The following TNFAIP8 variants were observed in gnomAD, a reference collection of about 807,000 sequenced individuals.
TNFAIP8 encodes the protein TNF alpha induced protein 8, also known as tumor necrosis factor alpha-induced protein 8.
In TNFAIP8, 7 loss-of-function variants were observed where a neutral mutation model predicts 13.3. The ratio of observed to expected loss-of-function variants is 0.52; its 90% CI spans 0.30 to 0.99. The LOEUF is 0.99. Ranked by LOEUF, TNFAIP8 falls within the 50% of genes least tolerant of loss-of-function variation. TNFAIP8 has a pLI of 0.07. For synonymous variants in TNFAIP8, 94 were observed against 87.6 expected (o/e 1.07, Z -0.41); for missense variants, 258 against 236.9 (o/e 1.09, Z -0.58).
chr5:119,324,583 C>G (rs1363738596), intron 1 of TNFAIP8, among the ~76,000 whole-genome samples: 1 of 152,092 alleles, frequency 6.6e-6, no homozygotes, highest in Non-Finnish European at 1.5e-5. Flanking sequence ...CCAGCCGCCT[C>G]CTGATTGGCA....
intron 1 of TNFAIP8, among the ~76,000 whole-genome samples, chr5:119,325,348 C>A (rs1750188700): frequency 6.6e-6 from 1 of 152,206 alleles, no homozygotes; most frequent in Non-Finnish European, 1.5e-5. Context: ...ACATTCCTGT[C>A]ATATAATATA....
At chr5:119,376,566 C>CA (rs1421535457) in intron 1 of TNFAIP8, among the ~76,000 whole-genome samples, 1 of 150,380 alleles carries the variant, frequency 6.6e-6, no homozygotes, top group African/African-American at 2.5e-5. Flanking sequence ...CTTCCCACCC[C>CA]CCCCGTCTTT....
At chr5:119,276,855 A>G (rs950356095) in intron 1 of TNFAIP8, among the ~76,000 whole-genome samples, 18 of 152,202 alleles carry the variant, frequency 1.2e-4, no homozygotes, top group African/African-American at 4.1e-4. Flanking sequence ...TCGCCTTTAT[A>G]AAGGATATTA....
intron 1 of TNFAIP8, among the ~76,000 whole-genome samples, chr5:119,316,790 A>G (rs1444229776): frequency 6.6e-6 from 1 of 152,186 alleles, no homozygotes; most frequent in Non-Finnish European, 1.5e-5. Context: ...ATGGCTCTCA[A>G]CTGGGGGCAG....
chr5:119,280,665 T>G (rs1426848376), intron 1 of TNFAIP8, among the ~76,000 whole-genome samples: 1 of 152,202 alleles, frequency 6.6e-6, no homozygotes, highest in Non-Finnish European at 1.5e-5. Context: ...TGATCCTCAG[T>G]GTCTCGATCT....
At chr5:119,371,392 C>CA (rs201778112) in intron 1 of TNFAIP8, among the ~76,000 whole-genome samples, 33 of 148,598 alleles carry the variant, frequency 2.2e-4, no homozygotes, top group East Asian at 9.8e-4. Context: ...ATTCCAAAAC[C>CA]AAAAAAAAAC....
At chr5:119,305,172 A>G (rs1054299947) in intron 1 of TNFAIP8, among the ~76,000 whole-genome samples, 5 of 152,156 alleles carry the variant, frequency 3.3e-5, no homozygotes, top group African/African-American at 1.2e-4. Context: ...GGAAAATAAA[A>G]GGTTTCAGAA....
chr5:119,377,731 T>C (rs1752336337), intron 1 of TNFAIP8, among the ~76,000 whole-genome samples: 1 of 149,792 alleles, frequency 6.7e-6, no homozygotes, highest in Non-Finnish European at 1.5e-5. Context: ...GAACCTCATA[T>C]AAGTTGTGTT....
intron 1 of TNFAIP8, among the ~76,000 whole-genome samples, chr5:119,277,707 T>C (rs1748500915): frequency 6.6e-6 from 1 of 152,244 alleles, no homozygotes; most frequent in Non-Finnish European, 1.5e-5. Flanking sequence ...ACAAAATATC[T>C]GAGACTGGGT....
At chr5:119,378,276 C>G (rs955376629) in intron 1 of TNFAIP8, among the ~76,000 whole-genome samples, 1 of 152,136 alleles carries the variant, frequency 6.6e-6, no homozygotes, top group South Asian at 2.1e-4. Flanking sequence ...AATATAAATG[C>G]TGTGCTGGTG....
intron 1 of TNFAIP8, among the ~76,000 whole-genome samples, chr5:119,296,684 T>C (rs1255292818): frequency 6.6e-6 from 1 of 152,222 alleles, no homozygotes; most frequent in Non-Finnish European, 1.5e-5. Context: ...TTGATTGGAA[T>C]AGCTTCAGAA....
chr5:119,348,863 A>G lies in TNFAIP8; in HGVS notation c.2-43953A>G, dbSNP rs985060667. Among the ~76,000 whole-genome samples, 53 of 149,972 alleles carry G rather than the reference A, an allele frequency of 3.5e-4. 1 individual carries two copies. Among genetic ancestry groups the G allele is most frequent in the Non-Finnish European group, 7.1e-4 (48 of 67,436 alleles). Reference sequence around the variant, plus strand: ...CCACTGCACTCTAGACTAGGCAACCAAAGCAAAACTCCATCTCAAAAAAAA... The same window carrying G: ...CCACTGCACTCTAGACTAGGCAACCGAAGCAAAACTCCATCTCAAAAAAAA... On this transcript the variant is annotated intron_variant, in intron 1 of 1. Coordinates refer to the TNFAIP8 transcript ENST00000274456.
chr5:119,340,401 C>T (rs115788887), intron 1 of TNFAIP8, among the ~76,000 whole-genome samples: 32 of 152,292 alleles, frequency 2.1e-4, no homozygotes, highest in African/African-American at 7.7e-4. Flanking sequence ...CCACTGTGCC[C>T]AAAGGCATGC....
intron 1 of TNFAIP8, among the ~76,000 whole-genome samples, chr5:119,385,785 A>G (rs1440124283): frequency 1.3e-5 from 2 of 152,160 alleles, no homozygotes; most frequent in East Asian, 3.8e-4. Flanking sequence ...TTTTGGCCAA[A>G]TGTGATTCTG....
chr5:119,327,787 A>G lies in TNFAIP8; in HGVS notation c.1+58880A>G, dbSNP rs73235286. ...TTATCTTAAGCTTTACAGCAACCCTAGGAAGGAGGTTATTATTATATTCAC... is the reference window on the plus strand; with the variant it reads ...TTATCTTAAGCTTTACAGCAACCCTGGGAAGGAGGTTATTATTATATTCAC... On this transcript the variant is annotated intron_variant, in intron 1 of 1. Coordinates refer to the TNFAIP8 transcript ENST00000274456. 5.5e-3 allele frequency among the ~76,000 whole-genome samples: 834 copies of G among 152,206 alleles called. 2 individuals are homozygous for G. Among genetic ancestry groups the G allele is most frequent in the African/African-American group, 0.019 (786 of 41,536 alleles).
At chr5:119,313,472 A>G (rs1341655254) in intron 1 of TNFAIP8, among the ~76,000 whole-genome samples, 5 of 152,186 alleles carry the variant, frequency 3.3e-5, no homozygotes, top group Non-Finnish European at 7.3e-5. Context: ...CCCCAAATCC[A>G]GAGATGTTAT....
At chr5:119,386,351 G>A (rs1029568350) in intron 1 of TNFAIP8, among the ~76,000 whole-genome samples, 1 of 152,146 alleles carries the variant, frequency 6.6e-6, no homozygotes, top group South Asian at 2.1e-4. Flanking sequence ...ATTGCATGCA[G>A]CTCCACTGAA....
intron 1 of TNFAIP8, among the ~76,000 whole-genome samples, chr5:119,294,911 G>C (rs1581578850): frequency 6.6e-6 from 1 of 151,574 alleles, no homozygotes; most frequent in East Asian, 2.0e-4. Context: ...TTGTAAATTT[G>C]TTTGAGTTCA....
chr5:119,303,864 C>T (rs902620428), intron 1 of TNFAIP8, among the ~76,000 whole-genome samples: 1 of 152,134 alleles, frequency 6.6e-6, no homozygotes, highest in African/African-American at 2.4e-5. Flanking sequence ...GCGATAGCTC[C>T]CCACTATTGT....
Sources: gnomAD v4.1 joint callset for allele counts (sites outside exome capture counted in the v4.1 genomes callset) on GRCh38, gnomAD v4.1.1 for gene constraint, MANE v1.5 for transcripts, NCBI Gene and HGNC (gene_info 2026-07-23, HGNC 2026-07-21) for gene names.